The following KIF13A variants were observed in gnomAD, a reference collection of about 807,000 sequenced individuals.
KIF13A encodes kinesin family member 13A.
A neutral mutation model predicts 212.2 loss-of-function variants in KIF13A; 79 were observed. The ratio of observed to expected loss-of-function variants is 0.37; its 90% CI spans 0.31 to 0.45. KIF13A has a LOEUF of 0.45. Ranked by LOEUF, KIF13A falls within the 20% of genes least tolerant of loss-of-function variation. The pLI is 1.00. For synonymous variants in KIF13A, 789 were observed against 808.6 expected (o/e 0.98, Z 0.41); for missense variants, 1,901 against 2,209.0 (o/e 0.86, Z 2.79).
chr6:17,925,189 C>T (rs968180248), intron 2 of KIF13A, among the ~76,000 whole-genome samples: 3 of 152,096 alleles, frequency 2.0e-5, no homozygotes, highest in Non-Finnish European at 4.4e-5. Flanking sequence ...TGCCTGGAGA[C>T]GAAGATGTTA....
Position 17,805,091 on chromosome 6 carries a change from G to A in KIF13A, c.2304+384C>T, listed in dbSNP as rs559220310. ...TGGCCACGATCACAGCTAGGGGTGCGTGAACACACATTAATGAATGCGAAA... is the reference window on the plus strand; with the variant it reads ...TGGCCACGATCACAGCTAGGGGTGCATGAACACACATTAATGAATGCGAAA... On this transcript the variant is annotated intron_variant, in intron 19 of 38. Transcript: ENST00000259711. Among the ~76,000 whole-genome samples, 36 of 152,090 alleles carry A rather than the reference G, an allele frequency of 2.4e-4. 1 individual carries two copies. In the East Asian group the frequency reaches 6.0e-3, roughly 25 times the overall value.
chr6:17,821,964 C>G (rs1242380263), intron 16 of KIF13A: 3 of 1,526,624 alleles, frequency 2.0e-6, no homozygotes, highest in African/African-American at 1.4e-5. Flanking sequence ...TCAGCACTTG[C>G]ATCAGAGACT....
rs190412577 is a variant in KIF13A at position 17,828,058 on chromosome 6, C to T, written c.1532+182G>A. 3.7e-4 allele frequency among the ~76,000 whole-genome samples: 57 copies of T among 152,244 alleles called. No individual in the cohort carries two copies. The highest frequency in any genetic ancestry group is 1.9e-3 in the East Asian group (10 of 5,184). The stretch of plus-strand genomic sequence containing the variant: ...TTATGGATTAAGTGGAACTAGAACT[C>T]GCATACAAAAATAGTCACTCCTTCA... On this transcript the variant is annotated intron_variant, in intron 14 of 38. Coordinates refer to ENST00000259711, the MANE Select transcript of KIF13A (RefSeq NM_022113.6). This position sits in a 1 kb window ranked among gnomAD's most constrained non-coding sequence, Gnocchi z 4.3.
chr6:17,775,066 T>C lies in KIF13A; in HGVS notation c.4171-4A>G, dbSNP rs764929150. 21 of 1,609,748 alleles carry C rather than the reference T, an allele frequency of 1.3e-5. No individual in the cohort carries two copies. Among genetic ancestry groups the C allele is most frequent in the Middle Eastern group, 3.3e-4 (2 of 6,080 alleles). On this transcript the variant is annotated splice_polypyrimidine_tract_variant and splice_region_variant and intron_variant, in intron 34 of 38. Transcript: ENST00000259711. The stretch of plus-strand genomic sequence containing the variant: ...GGTCCGGTCGGCTGGAAGAGACCTA[T>C]AAGAGAAGAATGGTTTTAGCAATGT...
intron 2 of KIF13A, among the ~76,000 whole-genome samples, chr6:17,955,711 T>C (rs904565910): frequency 1.3e-5 from 2 of 152,222 alleles, no homozygotes; most frequent in African/African-American, 4.8e-5. Context: ...AGAAACTGTA[T>C]GCTAAGTCTA....
At chr6:17,916,290 T>C (rs192336433) in intron 2 of KIF13A, among the ~76,000 whole-genome samples, 1 of 152,322 alleles carries the variant, frequency 6.6e-6, no homozygotes, top group Admixed American at 6.5e-5. Flanking sequence ...CATTTTAAAT[T>C]ACATCCAACC....
rs929454287 is a variant in KIF13A, at chr6:17,886,986, C to G, written c.159+11182G>C. 1.3e-5 allele frequency among the ~76,000 whole-genome samples: 2 copies of G among 152,148 alleles called. No homozygotes were observed. The highest frequency in any genetic ancestry group is 2.9e-5 in the Non-Finnish European group (2 of 68,020). ...ACTGTTCCAAATGATTCCTGGCCCT[C>G]CTGGTAAGGGAATTACACATCCCTG... On this transcript the variant is annotated intron_variant, in intron 3 of 38. Coordinates refer to ENST00000259711, the MANE Select transcript of KIF13A (RefSeq NM_022113.6). This position sits in a 1 kb window ranked among gnomAD's most constrained non-coding sequence, Gnocchi z 5.6.
intron 2 of KIF13A, among the ~76,000 whole-genome samples, chr6:17,970,557 T>C (rs1443019064): frequency 6.6e-6 from 1 of 152,246 alleles, no homozygotes; most frequent in Non-Finnish European, 1.5e-5. Flanking sequence ...CCTGCTTCAA[T>C]TACCAGGTAG....
Position 17,764,628 on chromosome 6 carries a change from C to T in KIF13A, c.4900G>A (p.Glu1634Lys), listed in dbSNP as rs778577385. Residue 1634 changes from glutamate to lysine, a missense_variant, in exon 39 of 39, where the codon GAG (glutamate) becomes AAG (lysine). By Grantham distance (56) the Glu-to-Lys change is moderately conservative. Around this residue, in one of 5 missense-constraint regions of KIF13A, gnomAD observed 687 missense variants for 759.1 expected, o/e 0.90. Transcript: ENST00000259711. This position sits in a 1 kb window ranked among gnomAD's most constrained non-coding sequence, Gnocchi z 5.1. The part of the protein sequence containing the change: ...AIQTKDADST[E>K]HSTPSLVHDF... ...TGCACAAGCGATGGTGTGGAGTGCTCGGTGGAGTCTGCATCCTTCGTCTGA... is the reference window on the plus strand; with the variant it reads ...TGCACAAGCGATGGTGTGGAGTGCTTGGTGGAGTCTGCATCCTTCGTCTGA... 4.8e-5 allele frequency: 77 copies of T among 1,613,302 alleles called. No homozygotes were observed. The East Asian group carries it at 7.1e-4, about 15-fold the overall frequency.
intron 2 of KIF13A, among the ~76,000 whole-genome samples, chr6:17,932,673 A>G (rs1776100114): frequency 6.6e-6 from 1 of 152,056 alleles, no homozygotes; most frequent in African/African-American, 2.4e-5. Context: ...CCACCCCACC[A>G]CAGCACAGCA....
At position 17,829,350 on chromosome 6, in the gene KIF13A, G is replaced by A. The variant is rs1192689152; in HGVS notation, c.1402-980C>T. On this transcript the variant is annotated intron_variant, in intron 13 of 38. Coordinates refer to ENST00000259711, the MANE Select transcript of KIF13A (RefSeq NM_022113.6). The surrounding 1 kb of genome is among the most constrained non-coding windows in gnomAD (Gnocchi z 5.4). ...CACCAATACATGCGTGATAAAATGA[G>A]AGAGCAGAGCCAAACAACATGTTCG... Among the ~76,000 whole-genome samples, 1 of 152,172 alleles carries A rather than the reference G, an allele frequency of 6.6e-6. No individual in the cohort carries two copies. Among genetic ancestry groups the A allele is most frequent in the Non-Finnish European group, 1.5e-5 (1 of 68,036 alleles).
downstream of KIF13A, chr6:17,759,772 GC>G (rs1309067023): frequency 6.6e-6 from 1 of 152,142 alleles, no homozygotes; most frequent in Non-Finnish European, 1.5e-5. Flanking sequence ...CCAGAATCAA[GC>G]AAAATAACAA....
intron 2 of KIF13A, among the ~76,000 whole-genome samples, chr6:17,973,622 A>G (rs1282813145): frequency 1.3e-5 from 2 of 150,354 alleles, no homozygotes; most frequent in Admixed American, 6.7e-5. Flanking sequence ...CAACTTAAAG[A>G]AAAAAAAAAC....
At chr6:17,780,204 A>G (rs1031949389) in intron 31 of KIF13A, among the ~76,000 whole-genome samples, 1 of 152,216 alleles carries the variant, frequency 6.6e-6, no homozygotes, top group Non-Finnish European at 1.5e-5. Context: ...TTGACTACAG[A>G]ATCTGCAGCA....
intron 3 of KIF13A, among the ~76,000 whole-genome samples, chr6:17,875,122 A>T (rs1770429449): frequency 6.6e-6 from 1 of 151,914 alleles, no homozygotes; most frequent in African/African-American, 2.4e-5. Context: ...TGCATGTGCA[A>T]GTATCTTTTT....
chr6:17,987,387 A>G lies in KIF13A; in HGVS notation c.55+22T>C. The stretch of plus-strand genomic sequence containing the variant: ...CCGCCCTCAGCCCGAGCAGAAATAA[A>G]AAAGAGCGGAAAGCTCCTCACCTCG... On this transcript the variant is annotated intron_variant, in intron 1 of 38. Transcript: ENST00000259711. The surrounding 1 kb of genome is among the most constrained non-coding windows in gnomAD (Gnocchi z 7.7). 1 of 1,355,454 alleles carries G rather than the reference A, an allele frequency of 7.4e-7. No homozygotes were observed. The highest frequency in any genetic ancestry group is 9.8e-7 in the Non-Finnish European group (1 of 1,024,968). The allele number at this position is 1,355,454 out of a possible 1,614,324, so 84.0% of individuals were successfully genotyped here. A position where few individuals can be genotyped will look rare whatever the true frequency, so the allele number is the denominator to read the frequency against.
rs1273989936 is a variant in KIF13A at position 17,971,398 on chromosome 6, A to G, written c.146+15656T>C. 1.3e-5 allele frequency among the ~76,000 whole-genome samples: 2 copies of G among 152,152 alleles called. No homozygotes were observed. Among genetic ancestry groups the G allele is most frequent in the Non-Finnish European group, 2.9e-5 (2 of 68,034 alleles). ...AAGCTGACCTCTATTTTATAATAAA[A>G]TATTAAAATTTAGTAGCGGTTTGTT... On this transcript the variant is annotated intron_variant, in intron 2 of 38. Coordinates refer to ENST00000259711, the MANE Select transcript of KIF13A (RefSeq NM_022113.6). The surrounding 1 kb of genome is among the most constrained non-coding windows in gnomAD (Gnocchi z 4.2).
intron 2 of KIF13A, among the ~76,000 whole-genome samples, chr6:17,965,447 T>C (rs543781304): frequency 6.6e-6 from 1 of 152,346 alleles, no homozygotes; most frequent in South Asian, 2.1e-4. Context: ...TAATAACCAG[T>C]ATTTCAATAA....
chr6:17,799,911 A>G lies in KIF13A; in HGVS notation c.2616+41T>C. 3 of 1,578,732 alleles carry G rather than the reference A, an allele frequency of 1.9e-6. No homozygotes were observed. Reference sequence around the variant, plus strand: ...TTTTTTGTAAAATGGTTTTGCATGAAAAAGGTCATTTATATGAGCCTCCCA... The same window carrying G: ...TTTTTTGTAAAATGGTTTTGCATGAGAAAGGTCATTTATATGAGCCTCCCA... On this transcript the variant is annotated intron_variant, in intron 21 of 38. Coordinates refer to ENST00000259711, the MANE Select transcript of KIF13A (RefSeq NM_022113.6). The surrounding 1 kb of genome is among the most constrained non-coding windows in gnomAD (Gnocchi z 4.4).
Sources: gnomAD v4.1 joint callset for allele counts (sites outside exome capture counted in the v4.1 genomes callset) on GRCh38, gnomAD v4.1.1 for gene constraint, gnomAD v4.1.1 regional missense constraint, Gnocchi (gnomAD v3.1) non-coding constraint, MANE v1.5 for transcripts, NCBI Gene and HGNC (gene_info 2026-07-23, HGNC 2026-07-21) for gene names.